PAIP2B: variants seen among roughly 807,000 people sequenced by gnomAD.
PAIP2B encodes poly(A) binding protein interacting protein 2B.
Under a neutral mutation model 17.0 loss-of-function variants are expected in PAIP2B, and 13 were observed. The observed-to-expected ratio is 0.76, with a 90% CI of 0.50 to 1.22. The LOEUF is 1.22. Ranked by LOEUF, PAIP2B falls within the 50% of genes most tolerant of loss-of-function variation. The probability of loss-of-function intolerance (pLI) is 0.00; values close to 1 mark genes in which losing one functional copy is unlikely to be tolerated. For synonymous variants in PAIP2B, 43 were observed against 48.7 expected (o/e 0.88, Z 0.48); for missense variants, 117 against 144.5 (o/e 0.81, Z 0.98).
intron 2 of PAIP2B, among the ~76,000 whole-genome samples, chr2:71,191,643 C>T (rs1402146013): frequency 6.6e-6 from 1 of 152,192 alleles, no homozygotes; most frequent in Non-Finnish European, 1.5e-5. Flanking sequence ...GACTATTCAT[C>T]ACAAAATGTT....
chr2:71,227,011 G>T lies in PAIP2B; in HGVS notation c.-95C>A. The T allele has an allele frequency of 6.5e-6, 1 of 152,922 alleles. No individual in the cohort carries two copies. 9.5% of individuals were successfully genotyped at this position (152,922 alleles called of 1,614,324 possible). ...AGCCGTTGCCGTAGAGGTCGCCGTC[G>T]CCACAACAGTCTCGGCCTTTAGTAC... On this transcript the variant is annotated 5_prime_UTR_variant, in exon 1 of 4. Coordinates refer to ENST00000244221, the MANE Select transcript of PAIP2B (RefSeq NM_020459.1).
chr2:71,200,436 G>A (rs1272750249), intron 2 of PAIP2B, among the ~76,000 whole-genome samples: 1 of 152,166 alleles, frequency 6.6e-6, no homozygotes, highest in Non-Finnish European at 1.5e-5. Context: ...CCTATGACCT[G>A]AAATCATATA....
intron 1 of PAIP2B, among the ~76,000 whole-genome samples, chr2:71,207,874 T>TA (rs1480841276): frequency 1.3e-5 from 2 of 151,710 alleles, no homozygotes; most frequent in Admixed American, 6.6e-5. Flanking sequence ...GGCGTGGGGG[T>TA]AAAAAAGGTG....
chr2:71,198,518 C>T (rs999450089), intron 2 of PAIP2B, among the ~76,000 whole-genome samples: 12 of 152,050 alleles, frequency 7.9e-5, no homozygotes, highest in Non-Finnish European at 4.4e-5. Flanking sequence ...ATCTCCTGAC[C>T]TCGTGATCCG....
intron 1 of PAIP2B, among the ~76,000 whole-genome samples, chr2:71,214,542 T>C (rs747783132): frequency 6.6e-5 from 10 of 152,236 alleles, no homozygotes; most frequent in Admixed American, 3.3e-4. Context: ...CAATCCATTA[T>C]GTACAATTCT....
intron 1 of PAIP2B, among the ~76,000 whole-genome samples, chr2:71,222,485 A>G (rs978994979): frequency 3.3e-5 from 5 of 152,234 alleles, no homozygotes; most frequent in African/African-American, 7.2e-5. Flanking sequence ...ACAAATGTTG[A>G]GTGAACAAAG....
chr2:71,202,386 G>T, intron 2 of PAIP2B, 66 bp downstream of exon 2: 1 of 1,558,344 alleles, frequency 6.4e-7, no homozygotes, highest in Non-Finnish European at 8.7e-7. Flanking sequence ...TAAACTGGCA[G>T]TAAAATATTA....
intron 1 of PAIP2B, among the ~76,000 whole-genome samples, chr2:71,221,616 A>C (rs960223040): frequency 3.3e-5 from 5 of 152,236 alleles, no homozygotes; most frequent in African/African-American, 1.2e-4. Context: ...TAGATTCTTT[A>C]TTAATAATTA....
At chr2:71,225,078 T>G (rs1355399097) in intron 1 of PAIP2B, among the ~76,000 whole-genome samples, 1 of 152,160 alleles carries the variant, frequency 6.6e-6, no homozygotes, top group Admixed American at 6.5e-5. Flanking sequence ...TTGACTGAGA[T>G]GGGGTCTCAC....
intron 1 of PAIP2B, among the ~76,000 whole-genome samples, chr2:71,223,068 T>G (rs1457971173): frequency 6.6e-6 from 1 of 152,144 alleles, no homozygotes; most frequent in Non-Finnish European, 1.5e-5. Flanking sequence ...TAGGCAAATA[T>G]AAAATCCACA....
At chr2:71,192,746 T>C (rs1025840672) in intron 2 of PAIP2B, among the ~76,000 whole-genome samples, 6 of 152,348 alleles carry the variant, frequency 3.9e-5, no homozygotes, top group Middle Eastern at 3.4e-3. Context: ...ACTCCATCCA[T>C]GTTCCTGCAA....
At chr2:71,218,839 G>A (rs71414897) in intron 1 of PAIP2B, among the ~76,000 whole-genome samples, 14,203 of 151,742 alleles carry the variant, frequency 0.094, 737 homozygotes, top group Non-Finnish European at 0.12. Flanking sequence ...TTTTAAAAAT[G>A]TTTATATGCA....
At chr2:71,221,357 C>T (rs1451712865) in intron 1 of PAIP2B, among the ~76,000 whole-genome samples, 1 of 152,230 alleles carries the variant, frequency 6.6e-6, no homozygotes, top group African/African-American at 2.4e-5. Flanking sequence ...TTTTATTCAC[C>T]TGGAAAGCAT....
At chr2:71,226,733 G>C (rs1247412272) in intron 1 of PAIP2B, among the ~76,000 whole-genome samples, 195 bp downstream of exon 1, 1 of 152,176 alleles carries the variant, frequency 6.6e-6, no homozygotes, top group Non-Finnish European at 1.5e-5. Flanking sequence ...GCTGACCCCA[G>C]CGGACGCCCC....
At chr2:71,192,080 T>A (rs1045098353) in intron 2 of PAIP2B, among the ~76,000 whole-genome samples, 4 of 152,188 alleles carry the variant, frequency 2.6e-5, no homozygotes, top group Non-Finnish European at 4.4e-5. Flanking sequence ...AACAACTTCC[T>A]TTCATAAAAT....
Position 71,202,498 on chromosome 2 carries a change from A to T in PAIP2B, c.92T>A (p.Phe31Tyr). 2 of 1,613,958 alleles carry T rather than the reference A, an allele frequency of 1.2e-6. No homozygotes were observed. Among genetic ancestry groups the T allele is most frequent in the Non-Finnish European group, 1.7e-6 (2 of 1,179,882 alleles). The change falls in exon 2 of 4, where the codon TTT becomes TAT. Residue 31 changes from phenylalanine (F) to tyrosine (Y), a missense_variant. Physicochemically the swap from Phe to Tyr is conservative, Grantham distance 22. Coordinates refer to ENST00000244221, the MANE Select transcript of PAIP2B (RefSeq NM_020459.1). ...ATTCTCCATCCACATGTACTCTGCAAATGGGTTTTCCTTTTCATCGTGCCC... is the reference window on the plus strand; with the variant it reads ...ATTCTCCATCCACATGTACTCTGCATATGGGTTTTCCTTTTCATCGTGCCC... ...LSGHDEKENP[F>Y]AEYMWMENEE...
chr2:71,216,064 C>T (rs967301889), intron 1 of PAIP2B, among the ~76,000 whole-genome samples: 2 of 152,156 alleles, frequency 1.3e-5, no homozygotes, highest in Admixed American at 6.5e-5. Context: ...TCCAACATTC[C>T]AATAAGATAA....
At chr2:71,223,640 T>C (rs932861411) in intron 1 of PAIP2B, among the ~76,000 whole-genome samples, 2 of 152,030 alleles carry the variant, frequency 1.3e-5, no homozygotes, top group African/African-American at 2.4e-5. Context: ...GGTTCCACCA[T>C]CCTGGACAGG....
rs3732236 is a variant in PAIP2B, at chr2:71,188,387, G to A, written c.*92C>T. The A allele has an allele frequency of 5.3e-3, 4,661 of 876,010 alleles. 125 individuals carry two copies. The East Asian group carries it at 0.055, about 10-fold the overall frequency. The allele number at this position is 876,010 out of a possible 1,614,324, so 54.3% of individuals were successfully genotyped here. ...CTCCCCTTCCCGCTGTGCACCCCTCGCCCGCCCCATCCCCCTCTTCAGCTC... is the reference window on the plus strand; with the variant it reads ...CTCCCCTTCCCGCTGTGCACCCCTCACCCGCCCCATCCCCCTCTTCAGCTC... On this transcript the variant is annotated 3_prime_UTR_variant, in exon 4 of 4. Coordinates refer to ENST00000244221, the MANE Select transcript of PAIP2B (RefSeq NM_020459.1).
Sources: gnomAD v4.1 joint callset for allele counts (sites outside exome capture counted in the v4.1 genomes callset) on GRCh38, gnomAD v4.1.1 for gene constraint, MANE v1.5 for transcripts, NCBI Gene and HGNC (gene_info 2026-07-23, HGNC 2026-07-21) for gene names.